The following GMNC variants were observed in gnomAD, a reference collection of about 807,000 sequenced individuals.
GMNC encodes the protein geminin coiled-coil domain-containing protein 1.
GMNC carries 16 observed loss-of-function variants against 33.6 expected under a neutral mutation model. The ratio of observed to expected loss-of-function variants is 0.48; its 90% CI spans 0.32 to 0.72. The LOEUF is 0.72. Among genes scored for constraint, GMNC ranks in the 30% least tolerant of loss-of-function variants. The probability of loss-of-function intolerance (pLI) is 0.03; values close to 1 mark genes in which losing one functional copy is unlikely to be tolerated. For missense variants in GMNC, 393 were observed against 388.9 expected, an observed-to-expected ratio of 1.01 and a Z score of -0.09; for synonymous variants, 156 against 147.3, an observed-to-expected ratio of 1.06 and a Z score of -0.43.
At chr3:190,851,863 A>C (rs1397615265), downstream of GMNC, among the ~76,000 whole-genome samples, 2 of 151,980 alleles carry the variant, frequency 1.3e-5, no homozygotes. Flanking sequence ...TCTTACATAT[A>C]ATTAGAAATA....
chr3:190,851,325 ATC>A (rs1737629983), downstream of GMNC, among the ~76,000 whole-genome samples: 2 of 152,222 alleles, frequency 1.3e-5, no homozygotes, highest in Non-Finnish European at 2.9e-5. Context: ...CACAGACCTT[ATC>A]CCATGTTGGT....
chr3:190,855,617 T>C lies in GMNC; in HGVS notation c.683A>G (p.Asp228Gly), dbSNP rs1255376048. Residue 228 changes from aspartate to glycine, a missense_variant, in exon 5 of 5, where the codon GAT (aspartate) becomes GGT (glycine). Physicochemically the swap from Asp to Gly is moderately conservative, Grantham distance 94. Coordinates refer to ENST00000442080, the MANE Select transcript of GMNC (RefSeq NM_001146686.3). ...RVASTFSQFPDDAVDYKNIPR... is the reference protein window; with the variant it reads ...RVASTFSQFPGDAVDYKNIPR... ...GATATTTTTATAATCAACTGCATCA[T>C]CCGGAAACTGGGAAAATGTGCTGGC... 2 of 1,551,550 alleles carry C rather than the reference T, an allele frequency of 1.3e-6. No homozygotes were observed. Among genetic ancestry groups the C allele is most frequent in the East Asian group, 4.9e-5 (2 of 40,906 alleles).
intron 2 of GMNC, 101 bp from the exon 3 acceptor site, chr3:190,859,117 TTTTTCTTAAACAGC>T (rs1309815074): frequency 1.4e-6 from 1 of 730,452 alleles, no homozygotes; most frequent in Non-Finnish European, 2.2e-6. Flanking sequence ...GGTTCAATTA[TTTTTCTTAAACAGC>T]TATTGCTGCC....
the GMNC span, among the ~76,000 whole-genome samples, chr3:190,847,098 A>G: frequency 6.6e-6 from 1 of 152,152 alleles, no homozygotes; most frequent in Non-Finnish European, 1.5e-5. Context: ...TTCTTACTCA[A>G]AGTTGCTGCT....
At chr3:190,859,697 A>T (rs532820161) in intron 2 of GMNC, 3 of 309,186 alleles carry the variant, frequency 9.7e-6, no homozygotes, top group Non-Finnish European at 1.9e-5. Flanking sequence ...CCCATATTTG[A>T]CAGTCAGCTC....
Position 190,853,240 on chromosome 3 carries a change from CTTGA to C in GMNC, c.*2051_*2054del, listed in dbSNP as rs542534462. On this transcript the variant is annotated 3_prime_UTR_variant, in exon 5 of 5. Transcript: ENST00000442080. ...TTAACTCATACATTTCCTTTTACAG[CTTGA>C]TTATTAGACTTTCAAAATTAGTTAT... 2.0e-4 allele frequency: 30 copies of C among 152,216 alleles called. No homozygotes were observed. The highest frequency in any genetic ancestry group is 6.7e-4 in the African/African-American group (28 of 41,552). The allele number at this position is 152,216 out of a possible 1,614,324, so 9.4% of individuals were successfully genotyped here.
At chr3:190,847,650 A>G in the GMNC span, among the ~76,000 whole-genome samples, 4 of 152,124 alleles carry the variant, frequency 2.6e-5, no homozygotes, top group African/African-American at 9.7e-5. Context: ...GCCAGTGACT[A>G]TATAAGGAAA....
chr3:190,857,817 G>T lies in GMNC; in HGVS notation c.350C>A (p.Ser117Tyr). 1 of 1,549,090 alleles carries T rather than the reference G, an allele frequency of 6.5e-7. No individual in the cohort carries two copies. The highest frequency in any genetic ancestry group is 8.7e-7 in the Non-Finnish European group (1 of 1,144,630). The change falls in exon 4 of 5, where the codon TCT becomes TAT. Residue 117 changes from serine to tyrosine, a missense_variant. Coordinates refer to ENST00000442080, the MANE Select transcript of GMNC (RefSeq NM_001146686.3). ...ENNHLRQYLN[S>Y]ALVKCLEEKA... ...TTCTTCAAGACATTTAACCAAAGCA[G>T]AATTCAGGTATTGTCTGAGGTGATT...
At chr3:190,846,937 A>G in the GMNC span, among the ~76,000 whole-genome samples, 1 of 151,328 alleles carries the variant, frequency 6.6e-6, no homozygotes, top group East Asian at 1.9e-4. Flanking sequence ...GTGGACTGAT[A>G]ATATTATAAC....
chr3:190,853,182 T>C lies in GMNC; in HGVS notation c.*2113A>G, dbSNP rs760716870. On this transcript the variant is annotated 3_prime_UTR_variant, in exon 5 of 5. Transcript: ENST00000442080. ...TACCCTCATGGTACTTAACACATGATAAGGCACACAAAGAATGCAAAATAA... is the reference window on the plus strand; with the variant it reads ...TACCCTCATGGTACTTAACACATGACAAGGCACACAAAGAATGCAAAATAA... 18 of 152,162 alleles carry C rather than the reference T, an allele frequency of 1.2e-4. No homozygotes were observed. Among genetic ancestry groups the C allele is most frequent in the Non-Finnish European group, 2.6e-4 (18 of 67,978 alleles). The allele number at this position is 152,162 out of a possible 1,614,324, so 9.4% of individuals were successfully genotyped here.
chr3:190,857,810 C>G lies in GMNC; in HGVS notation c.357G>C (p.Leu119Phe), dbSNP rs1213051200. Reference sequence around the variant, plus strand: ...TGGCCTTTTCTTCAAGACATTTAACCAAAGCAGAATTCAGGTATTGTCTGA... The same window carrying G: ...TGGCCTTTTCTTCAAGACATTTAACGAAAGCAGAATTCAGGTATTGTCTGA... ...NHLRQYLNSA[L>F]VKCLEEKAKK... Residue 119 changes from leucine (L) to phenylalanine (F), a missense_variant, in exon 4 of 5, where the codon TTG becomes TTC. Physicochemically the swap from Leu to Phe is conservative, Grantham distance 22. Transcript: ENST00000442080. The G allele has an allele frequency of 1.3e-6, 2 of 1,547,318 alleles. No homozygotes were observed. The highest frequency in any genetic ancestry group is 3.9e-5 in the Admixed American group (2 of 50,958).
chr3:190,855,081 A>G lies in GMNC; in HGVS notation c.*214T>C. 1.8e-6 allele frequency: 1 copy of G among 563,718 alleles called. No homozygotes were observed. The highest frequency in any genetic ancestry group is 3.2e-6 in the Non-Finnish European group (1 of 316,328). The allele number at this position is 563,718 out of a possible 1,614,324, so 34.9% of individuals were successfully genotyped here. A position where few individuals can be genotyped will look rare whatever the true frequency, so the allele number is the denominator to read the frequency against. On this transcript the variant is annotated 3_prime_UTR_variant, in exon 5 of 5. Transcript: ENST00000442080. Reference sequence around the variant, plus strand: ...AATAGCAGGTATTGGTGTGTAAACAAGTCAAATTTAGGTAAAAGAAGCGCG... The same window carrying G: ...AATAGCAGGTATTGGTGTGTAAACAGGTCAAATTTAGGTAAAAGAAGCGCG...
In GMNC at chr3:190,854,602, T is replaced by A. The variant is rs887267171; in HGVS notation, c.*693A>T. On this transcript the variant is annotated 3_prime_UTR_variant, in exon 5 of 5. Coordinates refer to ENST00000442080, the MANE Select transcript of GMNC (RefSeq NM_001146686.3). ...GATGCTGGGTACATATAGAAGCTGATACATCATGAGGCATTTAAAAATAAT... is the reference window on the plus strand; with the variant it reads ...GATGCTGGGTACATATAGAAGCTGAAACATCATGAGGCATTTAAAAATAAT... The A allele has an allele frequency of 6.6e-6, 1 of 152,288 alleles. No homozygotes were observed. The highest frequency in any genetic ancestry group is 2.4e-5 in the African/African-American group (1 of 41,466). The allele number at this position is 152,288 out of a possible 1,614,324, so 9.4% of individuals were successfully genotyped here.
the GMNC span, among the ~76,000 whole-genome samples, chr3:190,843,805 T>C: frequency 2.0e-5 from 3 of 152,196 alleles, no homozygotes; most frequent in Admixed American, 6.6e-5. Flanking sequence ...AAAGGACATC[T>C]TTCTCCACAT....
At position 190,857,072 on chromosome 3, in the gene GMNC, A is replaced by G. The variant is rs192885616; in HGVS notation, c.384+711T>C. Among the ~76,000 whole-genome samples the G allele has an allele frequency of 1.7e-4, 26 of 149,584 alleles. No homozygotes were observed. In the East Asian group the frequency reaches 4.3e-3, roughly 25 times the overall value. ...ATTTCAAATAATGCAGCTTGTCTAG[A>G]AGTATGGAAAAGATTGATGATGAAA... is the stretch of plus-strand genomic sequence containing the variant. On this transcript the variant is annotated intron_variant, in intron 4 of 4. Coordinates refer to ENST00000442080, the MANE Select transcript of GMNC (RefSeq NM_001146686.3).
the GMNC span, among the ~76,000 whole-genome samples, chr3:190,843,417 T>A: frequency 6.6e-6 from 1 of 152,138 alleles, no homozygotes; most frequent in Non-Finnish European, 1.5e-5. Flanking sequence ...AACTCGACCA[T>A]AAACAAGCTA....
chr3:190,843,393 A>G, the GMNC span, among the ~76,000 whole-genome samples: 1 of 152,178 alleles, frequency 6.6e-6, no homozygotes, highest in Non-Finnish European at 1.5e-5. Context: ...ATTATTTCCT[A>G]GATGGGGTTG....
In GMNC at chr3:190,855,930, T is replaced by A. The variant is rs1309383538; in HGVS notation, c.385-15A>T. ...GAGAGCAATTTCTAGGGAAGTGATATTTGAAAGTTATACTTTTTTCATATA... is the reference window on the plus strand; with the variant it reads ...GAGAGCAATTTCTAGGGAAGTGATAATTGAAAGTTATACTTTTTTCATATA... On this transcript the variant is annotated splice_polypyrimidine_tract_variant and intron_variant, in intron 4 of 4. Transcript: ENST00000442080. 1 of 1,505,582 alleles carries A rather than the reference T, an allele frequency of 6.6e-7. No individual in the cohort carries two copies. Among genetic ancestry groups the A allele is most frequent in the Non-Finnish European group, 8.9e-7 (1 of 1,125,752 alleles). 93.3% of individuals were successfully genotyped at this position (1,505,582 alleles called of 1,614,324 possible).
In GMNC at chr3:190,862,389, A is replaced by AGGAGAGAAAGAAGAGGGAGAGAG. The variant is rs1737892177; in HGVS notation, c.3+201_3+223dup. Among the ~76,000 whole-genome samples, 1 of 150,690 alleles carries AGGAGAGAAAGAAGAGGGAGAGAG rather than the reference A, an allele frequency of 6.6e-6. No homozygotes were observed. Among genetic ancestry groups the AGGAGAGAAAGAAGAGGGAGAGAG allele is most frequent in the South Asian group, 2.1e-4 (1 of 4,778 alleles). Reference sequence around the variant, plus strand: ...GAGAGAGAGAGGGCGAGAGAGAGAAAGGAGAGAAAGAAGAGGGAGAGAGGG... The same window carrying AGGAGAGAAAGAAGAGGGAGAGAG: ...GAGAGAGAGAGGGCGAGAGAGAGAAAGGAGAGAAAGAAGAGGGAGAGAGGGAGAGAAAGAAGAGGGAGAGAGGG... On this transcript the variant is annotated intron_variant, in intron 1 of 4. Transcript: ENST00000442080. The surrounding 1 kb of genome is among the most constrained non-coding windows in gnomAD (Gnocchi z 4.5).
Sources: allele counts gnomAD v4.1 joint callset (sites outside exome capture counted in the v4.1 genomes callset), GRCh38; gene constraint gnomAD v4.1.1; non-coding constraint Gnocchi (gnomAD v3.1); transcripts MANE v1.5; gene names NCBI Gene and HGNC (gene_info 2026-07-23, HGNC 2026-07-21).